TRIP12: variants seen among roughly 807,000 people sequenced by gnomAD.
The protein encoded by TRIP12 is E3 ubiquitin-protein ligase TRIP12.
In TRIP12, 25 loss-of-function variants were observed where a neutral mutation model predicts 244.2. That is an observed-to-expected ratio of 0.10 (90% confidence interval 0.07 to 0.14). The LOEUF (loss-of-function observed/expected upper bound fraction) is 0.14. TRIP12 is among the 10% of genes least tolerant of loss of function. TRIP12 has a pLI of 1.00. For missense variants in TRIP12, 1,677 were observed against 2,486.4 expected (o/e 0.67, Z 6.92); for synonymous variants, 905 against 873.1 (o/e 1.04, Z -0.64).
chr2:229,888,247 G>C (rs2066476744), intron 1 of TRIP12, among the ~76,000 whole-genome samples: 1 of 152,134 alleles, frequency 6.6e-6, no homozygotes, highest in Non-Finnish European at 1.5e-5. Flanking sequence ...TCCAGGTAGA[G>C]TTTCAATAAG....
At chr2:229,775,110 G>A (rs1173428662) in intron 37 of TRIP12, among the ~76,000 whole-genome samples, 1 of 152,140 alleles carries the variant, frequency 6.6e-6, no homozygotes, top group African/African-American at 2.4e-5. Context: ...TTAAGGTACA[G>A]AAAATTAGTC....
chr2:229,843,314 C>A (rs1260379656), intron 4 of TRIP12, among the ~76,000 whole-genome samples: 1 of 152,066 alleles, frequency 6.6e-6, no homozygotes, highest in East Asian at 1.9e-4. Flanking sequence ...AGTATATATG[C>A]CCTTGTTACT....
Position 229,829,284 on chromosome 2 carries a change from C to T in TRIP12, c.1359G>A (p.Leu453=). The T allele has an allele frequency of 6.2e-7, 1 of 1,609,662 alleles. No individual in the cohort carries two copies. The highest frequency in any genetic ancestry group is 8.5e-7 in the Non-Finnish European group (1 of 1,178,336). ...DDSEMGRLQA[L]LEARGLPPHL... is the part of the protein sequence containing the mutation. The stretch of plus-strand genomic sequence containing the variant: ...GAGGGGGAAGACCCCTTGCCTCTAA[C>T]AAAGCTAAAGAAAAAAGAAGGGCAG... The change falls in exon 8 of 42, where the codon TTG becomes TTA. Residue 453 remains leucine (L), a synonymous_variant. Transcript: ENST00000675903.
chr2:229,823,517 A>T (rs1409248325), intron 8 of TRIP12, among the ~76,000 whole-genome samples: 2 of 149,574 alleles, frequency 1.3e-5, no homozygotes, highest in Admixed American at 6.7e-5. Context: ...TACCAAAAAT[A>T]AAAAAAAAAT....
intron 4 of TRIP12, among the ~76,000 whole-genome samples, chr2:229,842,701 G>C (rs1234640980): frequency 6.6e-6 from 1 of 151,978 alleles, no homozygotes; most frequent in East Asian, 1.9e-4. Context: ...CCATGATACA[G>C]TAATAGACAG....
At chr2:229,830,128 C>A (rs2052935186) in intron 7 of TRIP12, among the ~76,000 whole-genome samples, 1 of 152,128 alleles carries the variant, frequency 6.6e-6, no homozygotes, top group Non-Finnish European at 1.5e-5. Context: ...CCCATCCATA[C>A]ATAGTATTAG....
chr2:229,859,461 C>A lies in TRIP12; in HGVS notation c.338G>T (p.Gly113Val). The A allele has an allele frequency of 6.2e-7, 1 of 1,614,166 alleles. No individual in the cohort carries two copies. ...GTCTGGACTAGCACTGCGCTTCACT[C>A]CTCGAGAATTGTCTTTCTTAGGCAC... ...GQVPKKDNSR[G>V]VKRSASPDYN... Residue 113 changes from glycine (G) to valine (V), a missense_variant, in exon 4 of 42, where the codon GGA (glycine) becomes GTA (valine). Physicochemically the swap from Gly to Val is moderately radical, Grantham distance 109. Coordinates refer to ENST00000675903, the MANE Select transcript of TRIP12 (RefSeq NM_001348323.3).
At chr2:229,875,278 A>G (rs757287699) in intron 2 of TRIP12, among the ~76,000 whole-genome samples, 113 of 152,212 alleles carry the variant, frequency 7.4e-4, no homozygotes, top group Non-Finnish European at 1.2e-3. Context: ...ATTTATCTTA[A>G]GAATGAATTT....
chr2:229,921,204 ACC>A (rs2076478248), intron 1 of TRIP12: 1 of 151,892 alleles, frequency 6.6e-6, no homozygotes, highest in African/African-American at 2.4e-5. Flanking sequence ...CCCCGCGCAG[ACC>A]CCGTCTCCGG....
intron 4 of TRIP12, among the ~76,000 whole-genome samples, chr2:229,856,541 A>G (rs1294400678): frequency 6.6e-6 from 1 of 152,212 alleles, no homozygotes; most frequent in Non-Finnish European, 1.5e-5. Flanking sequence ...CTCAAGTACA[A>G]TCTGCTATTG....
intron 1 of TRIP12, among the ~76,000 whole-genome samples, chr2:229,884,963 G>A (rs987938377): frequency 2.6e-5 from 4 of 152,040 alleles, no homozygotes; most frequent in African/African-American, 7.2e-5. Flanking sequence ...CAAGGAGACC[G>A]TCTCAAAAAA....
Position 229,859,594 on chromosome 2 carries a change from A to T in TRIP12, c.225-20T>A. On this transcript the variant is annotated intron_variant, in intron 3 of 41. Transcript: ENST00000675903. ...CAGCTTCTAAGAGGTTAGATAAGAA[A>T]ACAGTTAATATCAGCCTGTCATAAT... 1 of 1,596,858 alleles carries T rather than the reference A, an allele frequency of 6.3e-7. No homozygotes were observed. The highest frequency in any genetic ancestry group is 8.5e-7 in the Non-Finnish European group (1 of 1,172,414).
chr2:229,813,308 C>T (rs903800134), intron 13 of TRIP12, among the ~76,000 whole-genome samples: 16 of 152,118 alleles, frequency 1.1e-4, no homozygotes, highest in Non-Finnish European at 2.2e-4. Context: ...ATAACAAAGC[C>T]ATCCCTTAAA....
intron 37 of TRIP12, 124 bp from the exon 38 acceptor site, chr2:229,774,385 G>C (rs1574771578): frequency 2.1e-6 from 2 of 945,474 alleles, no homozygotes; most frequent in African/African-American, 3.3e-5. Context: ...TCAACTCTTA[G>C]CCTCTTTATT....
chr2:229,781,404 T>G (rs1242260086), intron 34 of TRIP12, among the ~76,000 whole-genome samples: 1 of 152,248 alleles, frequency 6.6e-6, no homozygotes, highest in Admixed American at 6.5e-5. Flanking sequence ...GTTTCACACA[T>G]TGCAGCTCAT....
At chr2:229,878,705 C>T (rs569325817) in intron 2 of TRIP12, among the ~76,000 whole-genome samples, 89 of 151,364 alleles carry the variant, frequency 5.9e-4, no homozygotes, top group African/African-American at 2.0e-3. Context: ...CTCAGCCTCC[C>T]GAGTAGCTGG....
At chr2:229,879,885 T>A in intron 2 of TRIP12, 97 bp downstream of exon 2, 1 of 1,322,028 alleles carries the variant, frequency 7.6e-7, no homozygotes, top group Non-Finnish European at 1.1e-6. Context: ...ATTACCCATA[T>A]GCAATGAACC....
intron 6 of TRIP12, among the ~76,000 whole-genome samples, chr2:229,833,941 G>C (rs879643293): frequency 1.3e-5 from 2 of 152,184 alleles, no homozygotes; most frequent in Admixed American, 1.3e-4. Flanking sequence ...TAGCTGTTCT[G>C]TAAGGTCATG....
chr2:229,810,090 T>C (rs1448227290), intron 15 of TRIP12, among the ~76,000 whole-genome samples: 1 of 152,258 alleles, frequency 6.6e-6, no homozygotes, highest in Admixed American at 6.5e-5. Context: ...CCAGGTGTGA[T>C]GGCTCATGCC....
Sources: gnomAD v4.1 joint callset for allele counts (sites outside exome capture counted in the v4.1 genomes callset) on GRCh38, gnomAD v4.1.1 for gene constraint, MANE v1.5 for transcripts, NCBI Gene and HGNC (gene_info 2026-07-23, HGNC 2026-07-21) for gene names.